FRAS1: variants seen among roughly 807,000 people sequenced by gnomAD.
FRAS1 encodes Fraser extracellular matrix complex subunit 1, also known as extracellular matrix organizing protein FRAS1.
In FRAS1, 290 loss-of-function variants were observed where a neutral mutation model predicts 435.2. The ratio of observed to expected loss-of-function variants is 0.67; its 90% confidence interval spans 0.61 to 0.73. The LOEUF is 0.73. Ranked by LOEUF, FRAS1 falls within the 30% of genes least tolerant of loss-of-function variation. The pLI is 0.00. For synonymous variants in FRAS1, 1,800 were observed against 1,851.0 expected (o/e 0.97, Z 0.71); for missense variants, 4,860 against 5,001.5 (o/e 0.97, Z 0.85).
rs1343874171 is a variant in FRAS1, at chr4:78,542,111, A to T, written c.*987A>T. Reference sequence around the variant, plus strand: ...TCGGGAAAGTAAGTGATTCATTTGAATAAGGCAAATTAGGAGAAAGCCCAG... The same window carrying T: ...TCGGGAAAGTAAGTGATTCATTTGATTAAGGCAAATTAGGAGAAAGCCCAG... On this transcript the variant is annotated 3_prime_UTR_variant, in exon 74 of 74. Coordinates refer to ENST00000512123, the MANE Select transcript of FRAS1 (RefSeq NM_025074.7). 1 of 152,242 alleles carries T rather than the reference A, an allele frequency of 6.6e-6. No homozygotes were observed. The highest frequency in any genetic ancestry group is 1.5e-5 in the Non-Finnish European group (1 of 68,052). The allele number at this position is 152,242 out of a possible 1,614,324, so 9.4% of individuals were successfully genotyped here. A position where few individuals can be genotyped will look rare whatever the true frequency, so the allele number is the denominator to read the frequency against.
rs370211211 is a variant in FRAS1, at chr4:78,413,099, G to A, written c.4425+14G>A. The A allele has an allele frequency of 4.4e-5, 67 of 1,513,098 alleles. No homozygotes were observed. The African/African-American group carries it at 6.0e-4, about 13-fold the overall frequency. 93.7% of individuals were successfully genotyped at this position (1,513,098 alleles called of 1,614,324 possible). ...CTCCATATGACTGTGAGTTGGGTGGGAGGCTTGTGGTTTCCACTTAGAGGA... is the reference window on the plus strand; with the variant it reads ...CTCCATATGACTGTGAGTTGGGTGGAAGGCTTGTGGTTTCCACTTAGAGGA... On this transcript the variant is annotated intron_variant, in intron 32 of 73. Transcript: ENST00000512123.
chr4:78,169,734 T>C (rs1721474861), intron 2 of FRAS1, among the ~76,000 whole-genome samples: 2 of 151,602 alleles, frequency 1.3e-5, no homozygotes, highest in South Asian at 4.2e-4. Flanking sequence ...GTAATTGTTA[T>C]ATTAGCGTCA....
At position 78,521,660 on chromosome 4, in the gene FRAS1, CT is replaced by C. The variant is rs773127700; in HGVS notation, c.10648+35del. The C allele has an allele frequency of 4.4e-6, 6 of 1,353,038 alleles. No homozygotes were observed. The East Asian group carries it at 7.0e-5, about 16-fold the overall frequency. The allele number at this position is 1,353,038 out of a possible 1,614,324, so 83.8% of individuals were successfully genotyped here. A position where few individuals can be genotyped will look rare whatever the true frequency, so the allele number is the denominator to read the frequency against. On this transcript the variant is annotated intron_variant, in intron 68 of 73. Coordinates refer to ENST00000512123, the MANE Select transcript of FRAS1 (RefSeq NM_025074.7). ...TATCAATGCCGTTTTTTTTTTCCAACTTTTTATTAAGAAACATTTCACACAT... is the reference window on the plus strand; with the variant it reads ...TATCAATGCCGTTTTTTTTTTCCAACTTTTATTAAGAAACATTTCACACAT...
Position 78,282,896 on chromosome 4 carries a change from C to T in FRAS1, c.1184C>T (p.Ser395Phe), listed in dbSNP as rs1353392763. ...GCTCAGGTAACTTGCTACGAGCCCT[C>T]TTGCCCACCATGTCCAGTGGGCACA... ...RGAQVTCYEP[S>F]CPPCPVGTLA... Residue 395 changes from serine (S) to phenylalanine (F), a missense_variant, in exon 12 of 74, where the codon TCT (serine) becomes TTT (phenylalanine). Physicochemically the swap from Ser to Phe is radical, Grantham distance 155 (BLOSUM62 -2). Transcript: ENST00000512123. 6.2e-7 allele frequency: 1 copy of T among 1,612,446 alleles called. No homozygotes were observed. Among genetic ancestry groups the T allele is most frequent in the Admixed American group, 1.7e-5 (1 of 59,932 alleles).
At chr4:78,422,084 C>T in intron 34 of FRAS1, 84 bp downstream of exon 34, 1 of 1,356,786 alleles carries the variant, frequency 7.4e-7, no homozygotes, top group South Asian at 1.9e-5. Context: ...TCCCTGCAGT[C>T]CTCTGGACCA....
At chr4:78,214,905 TC>T (rs1723689571) in intron 2 of FRAS1, among the ~76,000 whole-genome samples, 1 of 152,162 alleles carries the variant, frequency 6.6e-6, no homozygotes, top group African/African-American at 2.4e-5. Flanking sequence ...AAGGCTGTCC[TC>T]CCAGTTGTTA....
chr4:78,512,651 A>G (rs1172691893), intron 64 of FRAS1, among the ~76,000 whole-genome samples: 1 of 152,248 alleles, frequency 6.6e-6, no homozygotes, highest in Admixed American at 6.5e-5. Flanking sequence ...TTGTCCTCAT[A>G]GTGGAGAGGC....
Position 78,479,223 on chromosome 4 carries a change from A to C in FRAS1, c.8099-151A>C, listed in dbSNP as rs143050960. The C allele has an allele frequency of 2.4e-3, 1,096 of 461,144 alleles. 11 individuals carry two copies. Among genetic ancestry groups the C allele is most frequent in the East Asian group, 2.5e-3 (75 of 29,820 alleles). 28.6% of individuals were successfully genotyped at this position (461,144 alleles called of 1,614,324 possible). The stretch of plus-strand genomic sequence containing the variant: ...AGTGGTTTATACCACAGGCTCAAAG[A>C]AACTGCAATTCAGGAAGGTTTTATG... On this transcript the variant is annotated intron_variant, in intron 55 of 73. Transcript: ENST00000512123.
At chr4:78,242,576 C>T (rs1463027653) in intron 3 of FRAS1, among the ~76,000 whole-genome samples, 1 of 152,180 alleles carries the variant, frequency 6.6e-6, no homozygotes, top group Non-Finnish European at 1.5e-5. Flanking sequence ...GCTGGGATTA[C>T]AGGCATGTGC....
chr4:78,455,322 C>T (rs796535222), intron 47 of FRAS1, among the ~76,000 whole-genome samples: 11 of 152,236 alleles, frequency 7.2e-5, no homozygotes, highest in African/African-American at 2.2e-4. Context: ...TACTGGCCTC[C>T]CTGAAGGCAG....
intron 2 of FRAS1, among the ~76,000 whole-genome samples, chr4:78,163,227 C>T (rs1248362503): frequency 6.6e-6 from 1 of 152,184 alleles, no homozygotes; most frequent in Non-Finnish European, 1.5e-5. Flanking sequence ...TTTCACATTC[C>T]ATTTTTATTC....
chr4:78,221,107 G>C (rs189149560), intron 2 of FRAS1, among the ~76,000 whole-genome samples: 103 of 152,284 alleles, frequency 6.8e-4, no homozygotes, highest in Non-Finnish European at 1.3e-3. Flanking sequence ...GGCAGAGATT[G>C]CCGTGAGCTG....
intron 20 of FRAS1, among the ~76,000 whole-genome samples, chr4:78,357,856 T>G: frequency 6.6e-6 from 1 of 152,192 alleles, no homozygotes; most frequent in Non-Finnish European, 1.5e-5. Context: ...AGATATGATT[T>G]TGCCTCTGTA....
rs1341623321 is a variant in FRAS1 at position 78,249,076 on chromosome 4, T to C, written c.310-3316T>C. Among the ~76,000 whole-genome samples, 6 of 113,516 alleles carry C rather than the reference T, an allele frequency of 5.3e-5. 2 individuals are homozygous for C. The highest frequency in any genetic ancestry group is 1.9e-4 in the African/African-American group (6 of 32,280). The allele number at this position is 113,516 out of a possible 152,430, so 74.5% of individuals were successfully genotyped here. On this transcript the variant is annotated intron_variant, in intron 4 of 73. Coordinates refer to ENST00000512123, the MANE Select transcript of FRAS1 (RefSeq NM_025074.7). ...ATATATATATATGCATATATATATA[T>C]ATATATATATGCATGTGCTGATGCC...
Position 78,387,480 on chromosome 4 carries a change from G to A in FRAS1, c.3754G>A (p.Val1252Met). Residue 1252 changes from valine to methionine, a missense_variant, in exon 29 of 74, where the codon GTG becomes ATG. Coordinates refer to ENST00000512123, the MANE Select transcript of FRAS1 (RefSeq NM_025074.7). ...DIRDDDNPQD[V>M]VIEIIDPPLH... ...CCGAGATGATGACAACCCACAGGATGTGGTCATTGAAATAATCGATCCTCC... is the reference window on the plus strand; with the variant it reads ...CCGAGATGATGACAACCCACAGGATATGGTCATTGAAATAATCGATCCTCC... 6.2e-7 allele frequency: 1 copy of A among 1,613,682 alleles called. No homozygotes were observed. Among genetic ancestry groups the A allele is most frequent in the South Asian group, 1.1e-5 (1 of 91,042 alleles).
At chr4:78,442,912 A>G (rs1734714240) in intron 41 of FRAS1, among the ~76,000 whole-genome samples, 1 of 152,186 alleles carries the variant, frequency 6.6e-6, no homozygotes, top group South Asian at 2.1e-4. Context: ...CTCTACAATA[A>G]TATTGGTATA....
intron 18 of FRAS1, among the ~76,000 whole-genome samples, chr4:78,325,534 C>T (rs1729684934): frequency 6.6e-6 from 1 of 152,098 alleles, no homozygotes; most frequent in Non-Finnish European, 1.5e-5. Flanking sequence ...TAATGTAGTC[C>T]CTAGAGTGCT....
chr4:78,421,348 G>A (rs998986875), intron 33 of FRAS1, among the ~76,000 whole-genome samples: 6 of 151,914 alleles, frequency 3.9e-5, no homozygotes, highest in Non-Finnish European at 5.9e-5. Flanking sequence ...GGGTTTCACC[G>A]TGTTGGCCAG....
At chr4:78,468,927 G>C (rs1719620621) in intron 50 of FRAS1, among the ~76,000 whole-genome samples, 1 of 152,158 alleles carries the variant, frequency 6.6e-6, no homozygotes, top group South Asian at 2.1e-4. Context: ...AAGATCCTCT[G>C]TGTCCTTTAG....
Sources: gnomAD v4.1 joint callset for allele counts (sites outside exome capture counted in the v4.1 genomes callset) on GRCh38, gnomAD v4.1.1 for gene constraint, MANE v1.5 for transcripts, NCBI Gene and HGNC (gene_info 2026-07-23, HGNC 2026-07-21) for gene names.